Variants in GRAMD2A observed in about 807,000 individuals in gnomAD.
GRAMD2A encodes GRAM domain-containing protein 2A.
GRAMD2A carries 37 observed loss-of-function variants against 51.1 expected under a neutral mutation model. The observed-to-expected ratio is 0.72, with a 90% CI of 0.56 to 0.95. The LOEUF (loss-of-function observed/expected upper bound fraction) is 0.95, where lower values mean the gene tolerates loss of function less well. GRAMD2A is among the 40% of genes least tolerant of loss of function. The pLI, the probability that GRAMD2A is intolerant of heterozygous loss-of-function variation, is 0.00. For missense variants in GRAMD2A, 414 were observed against 426.9 expected (o/e 0.97, Z 0.27); for synonymous variants, 136 against 157.1 (o/e 0.87, Z 1.01).
chr15:72,178,532 T>G (rs2081671096), intron 1 of GRAMD2A, among the ~76,000 whole-genome samples: 1 of 151,750 alleles, frequency 6.6e-6, no homozygotes. Context: ...TTCCTTCTTT[T>G]GCAAAAATAA....
intron 1 of GRAMD2A, among the ~76,000 whole-genome samples, chr15:72,186,702 C>T (rs1311891345): frequency 3.9e-5 from 6 of 152,032 alleles, no homozygotes; most frequent in Admixed American, 1.3e-4. Context: ...AATGTATATT[C>T]GTATGATTAA....
In GRAMD2A at chr15:72,166,626, C is replaced by G. The variant is rs1458643513; in HGVS notation, c.543+6G>C. The G allele has an allele frequency of 6.2e-7, 1 of 1,612,234 alleles. No individual in the cohort carries two copies. The highest frequency in any genetic ancestry group is 1.7e-5 in the Admixed American group (1 of 60,028). ...TCCCTGGCCTTCCTGCTCCCAAGCT[C>G]CATACCTGTAGGTGGGTGCAGACTC... On this transcript the variant is annotated splice_donor_region_variant and intron_variant, in intron 7 of 11. Transcript: ENST00000309731. The surrounding 1 kb of genome is among the most constrained non-coding windows in gnomAD (Gnocchi z 4.1).
At chr15:72,169,786 TTCC>T in intron 2 of GRAMD2A, 58 bp downstream of exon 2, 1 of 1,397,186 alleles carries the variant, frequency 7.2e-7, no homozygotes, top group Non-Finnish European at 1.0e-6. Context: ...AACAGGTCAC[TTCC>T]TGAGGGCTTC....
At chr15:72,171,479 TC>T (rs994406017) in intron 1 of GRAMD2A, among the ~76,000 whole-genome samples, 15 of 152,218 alleles carry the variant, frequency 9.9e-5, no homozygotes, top group African/African-American at 3.6e-4. Context: ...ATGAGAAATT[TC>T]CCATGTCACT....
chr15:72,185,008 C>T (rs754159323), intron 1 of GRAMD2A, among the ~76,000 whole-genome samples: 4 of 152,056 alleles, frequency 2.6e-5, no homozygotes, highest in Admixed American at 6.6e-5. Context: ...ACTACTTTAA[C>T]GGTTACAAGA....
intron 1 of GRAMD2A, among the ~76,000 whole-genome samples, chr15:72,187,498 A>G (rs1188674696): frequency 6.6e-6 from 1 of 151,842 alleles, no homozygotes; most frequent in Admixed American, 6.6e-5. Flanking sequence ...AAAAAACAAC[A>G]GTAAATTAAA....
intron 1 of GRAMD2A, among the ~76,000 whole-genome samples, chr15:72,180,130 G>A (rs765426782): frequency 5.3e-5 from 8 of 152,196 alleles, no homozygotes; most frequent in East Asian, 1.9e-4. Flanking sequence ...CAGTCGCCAC[G>A]GAGACAGACA....
At chr15:72,174,880 G>A (rs1029073888) in intron 1 of GRAMD2A, among the ~76,000 whole-genome samples, 9 of 152,004 alleles carry the variant, frequency 5.9e-5, no homozygotes, top group Non-Finnish European at 1.2e-4. Flanking sequence ...TAGGGGCCTC[G>A]TGGTGCACCT....
intron 1 of GRAMD2A, among the ~76,000 whole-genome samples, chr15:72,175,225 C>T (rs528647142): frequency 2.6e-5 from 4 of 152,294 alleles, no homozygotes; most frequent in African/African-American, 7.2e-5. Flanking sequence ...CACTACACCA[C>T]GCAAGCCCAG....
chr15:72,165,251 G>T, intron 8 of GRAMD2A, 103 bp downstream of exon 8: 1 of 1,005,946 alleles, frequency 9.9e-7, no homozygotes. Context: ...TCTTGAGCCT[G>T]GTGCCCCAGT....
At position 72,182,583 on chromosome 15, in the gene GRAMD2A, A is replaced by G. The variant is rs1023390431; in HGVS notation, c.42-12644T>C. 2.0e-5 allele frequency among the ~76,000 whole-genome samples: 3 copies of G among 152,182 alleles called. No homozygotes were observed. In the South Asian group the frequency reaches 6.2e-4, roughly 32 times the overall value. ...AAGAAAGTGAAAAGACAATCCACAGAATGGGAGAGAATATTTGCAAATCAT... is the reference window on the plus strand; with the variant it reads ...AAGAAAGTGAAAAGACAATCCACAGGATGGGAGAGAATATTTGCAAATCAT... On this transcript the variant is annotated intron_variant, in intron 1 of 11. Coordinates refer to ENST00000309731, the MANE Select transcript of GRAMD2A (RefSeq NM_001012642.3).
At chr15:72,193,822 G>A (rs988847544) in intron 1 of GRAMD2A, among the ~76,000 whole-genome samples, 3 of 152,226 alleles carry the variant, frequency 2.0e-5, no homozygotes, top group Non-Finnish European at 2.9e-5. Flanking sequence ...CAACGCGCCA[G>A]GCCGTGCATT....
At chr15:72,172,452 T>C (rs2081620696) in intron 1 of GRAMD2A, among the ~76,000 whole-genome samples, 1 of 147,928 alleles carries the variant, frequency 6.8e-6, no homozygotes. Flanking sequence ...AGTCTTGCTC[T>C]GTCACCCAAG....
In GRAMD2A at chr15:72,190,729, G is replaced by A. The variant is rs1434593347; in HGVS notation, c.41+7002C>T. Among the ~76,000 whole-genome samples the A allele has an allele frequency of 4.6e-5, 7 of 152,142 alleles. No individual in the cohort carries two copies. In the South Asian group the frequency reaches 1.2e-3, roughly 27 times the overall value. ...GGATCTGTGAACTCCTGGAACTTTGGGCAAAATTGTTGGGTCTGAACAAAG... is the reference window on the plus strand; with the variant it reads ...GGATCTGTGAACTCCTGGAACTTTGAGCAAAATTGTTGGGTCTGAACAAAG... On this transcript the variant is annotated intron_variant, in intron 1 of 11. Transcript: ENST00000309731.
chr15:72,192,747 G>A (rs1028516462), intron 1 of GRAMD2A, among the ~76,000 whole-genome samples: 1 of 152,176 alleles, frequency 6.6e-6, no homozygotes, highest in African/African-American at 2.4e-5. Context: ...AAAAGAAATA[G>A]AGCCAGCCAA....
At chr15:72,165,544 A>G in intron 7 of GRAMD2A, 134 bp from the exon 8 acceptor site, 1 of 796,030 alleles carries the variant, frequency 1.3e-6, no homozygotes, top group Non-Finnish European at 2.0e-6. Context: ...CCCAGCTCCC[A>G]GGGTCTATAG....
Position 72,167,852 on chromosome 15 carries a change from AG to A in GRAMD2A, c.269-14del, listed in dbSNP as rs2081565391. ...GCACAGGAACACACTAGGATGTCACAGGAGAGAAAATGGCCATAAGCAAGGT... is the reference window on the plus strand; with the variant it reads ...GCACAGGAACACACTAGGATGTCACAGAGAGAAAATGGCCATAAGCAAGGT... On this transcript the variant is annotated splice_polypyrimidine_tract_variant and intron_variant, in intron 4 of 11. Transcript: ENST00000309731. 3 of 1,601,248 alleles carry A rather than the reference AG, an allele frequency of 1.9e-6. No individual in the cohort carries two copies. Among genetic ancestry groups the A allele is most frequent in the Non-Finnish European group, 2.6e-6 (3 of 1,168,420 alleles).
chr15:72,188,635 C>A (rs1232028016), intron 1 of GRAMD2A, among the ~76,000 whole-genome samples: 2 of 152,024 alleles, frequency 1.3e-5, no homozygotes, highest in African/African-American at 4.8e-5. Flanking sequence ...GGGATTTTTA[C>A]ATGTTTTTTT....
intron 1 of GRAMD2A, among the ~76,000 whole-genome samples, chr15:72,189,238 C>T (rs182719791): frequency 3.3e-4 from 51 of 152,330 alleles, no homozygotes; most frequent in African/African-American, 1.1e-3. Flanking sequence ...TTCTTCACTA[C>T]ATGGAAACTT....
Sources: allele counts gnomAD v4.1 joint callset (sites outside exome capture counted in the v4.1 genomes callset), GRCh38; gene constraint gnomAD v4.1.1; non-coding constraint Gnocchi (gnomAD v3.1); transcripts MANE v1.5; gene names NCBI Gene and HGNC (gene_info 2026-07-23, HGNC 2026-07-21).